Variants in GOT1 observed in about 807,000 individuals in gnomAD.
GOT1 encodes the protein glutamic-oxaloacetic transaminase 1.
Under a neutral mutation model 48.2 loss-of-function variants are expected in GOT1, and 25 were observed. The observed-to-expected ratio is 0.52, with a 90% CI of 0.38 to 0.72. The LOEUF is 0.72. GOT1 is among the 30% of genes least tolerant of loss of function. The probability of loss-of-function intolerance (pLI) is 0.00; values close to 1 mark genes in which losing one functional copy is unlikely to be tolerated. For synonymous variants in GOT1, 188 were observed against 193.8 expected, an observed-to-expected ratio of 0.97 and a Z score of 0.25; for missense variants, 380 against 520.1, an observed-to-expected ratio of 0.73 and a Z score of 2.62.
At chr10:99,411,584 C>G (rs2032828563) in intron 2 of GOT1, among the ~76,000 whole-genome samples, 1 of 152,242 alleles carries the variant, frequency 6.6e-6, no homozygotes, top group Non-Finnish European at 1.5e-5. Flanking sequence ...AACATGCCAC[C>G]TCCTGCTCCA....
intron 2 of GOT1, among the ~76,000 whole-genome samples, chr10:99,417,862 T>G (rs2032916248): frequency 6.6e-6 from 1 of 151,944 alleles, no homozygotes; most frequent in African/African-American, 2.4e-5. Context: ...TGAGAACACT[T>G]GGACACAGGA....
chr10:99,406,347 T>G, intron 3 of GOT1, 98 bp from the exon 4 acceptor site: 1 of 817,142 alleles, frequency 1.2e-6, no homozygotes, highest in Non-Finnish European at 2.1e-6. Context: ...CCAGGCTCAA[T>G]GTCCACTGGG....
Position 99,397,002 on chromosome 10 carries a change from C to T in GOT1, c.*545G>A, listed in dbSNP as rs2641. On this transcript the variant is annotated 3_prime_UTR_variant, in exon 9 of 9. Coordinates refer to ENST00000370508, the MANE Select transcript of GOT1 (RefSeq NM_002079.3). The surrounding 1 kb of genome is among the most constrained non-coding windows in gnomAD (Gnocchi z 5.4). Reference sequence around the variant, plus strand: ...AAAACTTGTTTCAGTTAAATATGTACGTGTCCGTGCATGTCATGATTAAAT... The same window carrying T: ...AAAACTTGTTTCAGTTAAATATGTATGTGTCCGTGCATGTCATGATTAAAT... The T allele has an allele frequency of 0.09, 13,809 of 153,672 alleles. 1,122 individuals carry two copies. Among genetic ancestry groups the T allele is most frequent in the African/African-American group, 0.22 (9,074 of 41,474 alleles). The allele number at this position is 153,672 out of a possible 1,614,324, so 9.5% of individuals were successfully genotyped here. A position where few individuals can be genotyped will look rare whatever the true frequency, so the allele number is the denominator to read the frequency against.
At position 99,430,498 on chromosome 10, in the gene GOT1, G is replaced by C; in HGVS notation, c.68C>G (p.Ala23Gly). 6.2e-7 allele frequency: 1 copy of C among 1,612,598 alleles called. No individual in the cohort carries two copies. The highest frequency in any genetic ancestry group is 1.3e-5 in the African/African-American group (1 of 74,998). Residue 23 changes from alanine (A) to glycine (G), a missense_variant, in exon 1 of 9, where the codon GCC becomes GGC. Ala to Gly is a moderately conservative substitution (Grantham distance 60, BLOSUM62 0). Transcript: ENST00000370508. ...GGGGTCCGGATCCTCCCTGAAGTCG[G>C]CAGTGAGCTTGAAGACCAGGACAGG... ...AQPVLVFKLT[A>G]DFREDPDPRK...
intron 7 of GOT1, among the ~76,000 whole-genome samples, chr10:99,403,249 A>T (rs750548348): frequency 2.0e-5 from 3 of 152,020 alleles, no homozygotes; most frequent in African/African-American, 4.8e-5. Flanking sequence ...GGGGAAAACT[A>T]CCATTCATCG....
chr10:99,402,551 A>C (rs570354343), intron 8 of GOT1, 29 bp downstream of exon 8: 4 of 1,612,972 alleles, frequency 2.5e-6, no homozygotes, highest in African/African-American at 1.3e-5. Flanking sequence ...ACATGCACGC[A>C]TGGGCTGGAG....
At chr10:99,429,124 A>G (rs2033078929) in intron 1 of GOT1, among the ~76,000 whole-genome samples, 1 of 150,832 alleles carries the variant, frequency 6.6e-6, no homozygotes, top group Non-Finnish European at 1.5e-5. Flanking sequence ...ATCTCGGCTC[A>G]CTGCAACCTC....
intron 1 of GOT1, among the ~76,000 whole-genome samples, chr10:99,424,896 A>G (rs542361133): frequency 3.1e-4 from 47 of 152,324 alleles, no homozygotes; most frequent in African/African-American, 1.0e-3. Context: ...TCAGGCATTA[A>G]CAACAACCAC....
chr10:99,415,080 A>G (rs1331686132), intron 2 of GOT1, among the ~76,000 whole-genome samples: 1 of 152,218 alleles, frequency 6.6e-6, no homozygotes. Context: ...AAGGCAAGAA[A>G]TAACTAAGAT....
chr10:99,409,068 T>C (rs183184301), intron 2 of GOT1, among the ~76,000 whole-genome samples: 2 of 152,292 alleles, frequency 1.3e-5, no homozygotes, highest in Admixed American at 6.5e-5. Flanking sequence ...TCATTCTTTA[T>C]ACTGTTTTCT....
intron 1 of GOT1, among the ~76,000 whole-genome samples, chr10:99,425,426 A>G (rs1487892792): frequency 6.6e-6 from 1 of 152,226 alleles, no homozygotes; most frequent in Non-Finnish European, 1.5e-5. Flanking sequence ...GGATCATTTG[A>G]GTGACACCAC....
intron 1 of GOT1, among the ~76,000 whole-genome samples, chr10:99,428,244 G>T (rs1159820728): frequency 2.0e-5 from 3 of 152,158 alleles, no homozygotes; most frequent in Non-Finnish European, 4.4e-5. Flanking sequence ...TCCTACTTAT[G>T]TGCCAAATAC....
intron 2 of GOT1, among the ~76,000 whole-genome samples, chr10:99,410,996 C>T (rs1275370565): frequency 6.6e-6 from 1 of 152,222 alleles, no homozygotes; most frequent in Non-Finnish European, 1.5e-5. Context: ...ACTATGACTT[C>T]ACCATGAGGA....
chr10:99,417,167 T>C (rs896445797), intron 2 of GOT1, among the ~76,000 whole-genome samples: 3 of 152,204 alleles, frequency 2.0e-5, no homozygotes, highest in Admixed American at 6.5e-5. Flanking sequence ...AGAACATTTT[T>C]GCAATCTACT....
rs139135226 is a variant in GOT1 at position 99,403,879 on chromosome 10, G to A, written c.643-5C>T. 4.6e-3 allele frequency: 7,367 copies of A among 1,613,112 alleles called. 36 individuals are homozygous for A. Among genetic ancestry groups the A allele is most frequent in the Middle Eastern group, 0.015 (81 of 5,268 alleles). ...GAAGGGGAACAGAAACCGGTGCTGCGGGGAAGCAAAGTGAGTCAGGGCAGG... is the reference window on the plus strand; with the variant it reads ...GAAGGGGAACAGAAACCGGTGCTGCAGGGAAGCAAAGTGAGTCAGGGCAGG... On this transcript the variant is annotated splice_region_variant and splice_polypyrimidine_tract_variant and intron_variant, in intron 5 of 8. Coordinates refer to ENST00000370508, the MANE Select transcript of GOT1 (RefSeq NM_002079.3).
chr10:99,424,341 A>T (rs2033010239), intron 1 of GOT1, among the ~76,000 whole-genome samples: 1 of 152,200 alleles, frequency 6.6e-6, no homozygotes, highest in South Asian at 2.1e-4. Flanking sequence ...TATTTTAAAA[A>T]ATGATCCCTT....
intron 2 of GOT1, among the ~76,000 whole-genome samples, chr10:99,418,399 A>G (rs11594790): frequency 0.13 from 19,678 of 152,070 alleles, 1,375 homozygotes; most frequent in Admixed American, 0.22. Flanking sequence ...AAACTCCCCA[A>G]CATGGAATCT....
intron 1 of GOT1, among the ~76,000 whole-genome samples, chr10:99,422,945 T>G (rs903101460): frequency 2.0e-5 from 3 of 152,246 alleles, no homozygotes; most frequent in East Asian, 3.8e-4. Flanking sequence ...AATACTTCAG[T>G]GAACGACCCT....
At chr10:99,406,592 A>G (rs1266702261) in intron 3 of GOT1, 134 bp downstream of exon 3, 1 of 805,662 alleles carries the variant, frequency 1.2e-6, no homozygotes, top group Non-Finnish European at 2.0e-6. Flanking sequence ...GCACTGCCAT[A>G]ACCCACTGTT....
Sources: gnomAD v4.1 joint callset for allele counts (sites outside exome capture counted in the v4.1 genomes callset) on GRCh38, gnomAD v4.1.1 for gene constraint, Gnocchi (gnomAD v3.1) non-coding constraint, MANE v1.5 for transcripts, NCBI Gene and HGNC (gene_info 2026-07-23, HGNC 2026-07-21) for gene names.